The following CDH18 variants were observed in gnomAD, a reference collection of about 807,000 sequenced individuals.
The protein encoded by CDH18 is cadherin 18.
A neutral mutation model predicts 67.9 loss-of-function variants in CDH18; 31 were observed. That is an observed-to-expected ratio of 0.46 (90% CI 0.34 to 0.62). The LOEUF (loss-of-function observed/expected upper bound fraction) is 0.62, where lower values mean the gene tolerates loss of function less well. Among genes scored for constraint, CDH18 ranks in the 20% least tolerant of loss-of-function variants. CDH18 has a pLI of 0.01. For synonymous variants in CDH18, 362 were observed against 347.2 expected, an observed-to-expected ratio of 1.04 and a Z score of -0.48; for missense variants, 890 against 975.5, an observed-to-expected ratio of 0.91 and a Z score of 1.17.
At chr5:20,142,793 C>T (rs1299526863) in intron 2 of CDH18, among the ~76,000 whole-genome samples, 2 of 152,108 alleles carry the variant, frequency 1.3e-5, no homozygotes, top group African/African-American at 2.4e-5. Context: ...CTCTTTTCCC[C>T]GGCTCTCATG....
rs371731164 is a variant in CDH18, at chr5:19,957,414, G to A, written c.-257+23646C>T. 6.0e-4 allele frequency among the ~76,000 whole-genome samples: 91 copies of A among 151,478 alleles called. No individual in the cohort carries two copies. The South Asian group carries it at 0.016, about 27-fold the overall frequency. ...AGAAGGAATAATATATCAGCTCTAT[G>A]TGTTATGTATATCTGTGTGTGTATA... On this transcript the variant is annotated intron_variant, in intron 2 of 12. Transcript: ENST00000382275.
At chr5:20,413,023 C>T (rs566183476) in intron 1 of CDH18, among the ~76,000 whole-genome samples, 31 of 152,286 alleles carry the variant, frequency 2.0e-4, no homozygotes, top group Non-Finnish European at 3.8e-4. Context: ...CAAGTGTTCT[C>T]ATTGTTCAAT....
chr5:19,752,025 C>G (rs553186548), intron 3 of CDH18, among the ~76,000 whole-genome samples: 1 of 152,258 alleles, frequency 6.6e-6, no homozygotes, highest in East Asian at 1.9e-4. Context: ...GGCTGTGAAA[C>G]AGGGAAAGGG....
At chr5:19,657,059 G>A (rs1022602447) in intron 5 of CDH18, among the ~76,000 whole-genome samples, 2 of 152,046 alleles carry the variant, frequency 1.3e-5, no homozygotes, top group Non-Finnish European at 2.9e-5. Context: ...TACAGGATAT[G>A]TAACATATTA....
chr5:19,767,544 C>T (rs949723114), intron 3 of CDH18, among the ~76,000 whole-genome samples: 2 of 151,860 alleles, frequency 1.3e-5, no homozygotes, highest in African/African-American at 4.8e-5. Context: ...TAAAGTGATG[C>T]ATAACTGAAA....
chr5:20,483,729 C>A (rs377685321), intron 1 of CDH18, among the ~76,000 whole-genome samples: 30 of 150,812 alleles, frequency 2.0e-4, no homozygotes, highest in Non-Finnish European at 4.0e-4. Context: ...TATCCACATG[C>A]AGAAAAATGA....
intron 3 of CDH18, among the ~76,000 whole-genome samples, chr5:19,791,309 T>A (rs894718083): frequency 1.3e-5 from 2 of 150,256 alleles, no homozygotes; most frequent in East Asian, 3.9e-4. Flanking sequence ...AACACAGATG[T>A]GTGGGCTCCT....
At chr5:19,844,265 G>A (rs114288530) in intron 2 of CDH18, among the ~76,000 whole-genome samples, 5,401 of 152,210 alleles carry the variant, frequency 0.035, 257 homozygotes, top group African/African-American at 0.1. Context: ...AATCCGAATT[G>A]CTATCCCCAT....
chr5:19,574,808 C>A lies in CDH18; in HGVS notation c.1000-2976G>T, dbSNP rs991328418. Among the ~76,000 whole-genome samples the A allele has an allele frequency of 4.6e-5, 7 of 151,672 alleles. No individual in the cohort carries two copies. In the East Asian group the frequency reaches 1.4e-3, roughly 29 times the overall value. On this transcript the variant is annotated intron_variant, in intron 7 of 12. Coordinates refer to ENST00000382275, the MANE Select transcript of CDH18 (RefSeq NM_004934.5). ...TTGTAATCCCAGCACTTTGGGAGGC[C>A]GAGGTGGGCGGATCACGAGGTCAGG...
chr5:19,626,281 T>C (rs1483138529), intron 5 of CDH18, among the ~76,000 whole-genome samples: 1 of 152,056 alleles, frequency 6.6e-6, no homozygotes, highest in Non-Finnish European at 1.5e-5. Flanking sequence ...TTAAGCAAAA[T>C]CACAAGTGTT....
chr5:19,502,935 C>T (rs746966932), intron 11 of CDH18, 57 bp downstream of exon 11: 1 of 970,750 alleles, frequency 1.0e-6, no homozygotes, highest in African/African-American at 1.6e-5. Flanking sequence ...AAGCCTATTA[C>T]ATATAAGGTC....
intron 2 of CDH18, among the ~76,000 whole-genome samples, chr5:20,198,394 G>A (rs1374007008): frequency 2.6e-5 from 4 of 152,158 alleles, no homozygotes; most frequent in African/African-American, 9.7e-5. Flanking sequence ...TTGGGAATTG[G>A]AGGAAAGGTC....
chr5:20,244,020 A>G (rs1743186407), intron 2 of CDH18, among the ~76,000 whole-genome samples: 1 of 152,164 alleles, frequency 6.6e-6, no homozygotes, highest in African/African-American at 2.4e-5. Flanking sequence ...TCCTGAGTTA[A>G]AAATGTATGA....
At chr5:19,978,379 A>G (rs1489826827) in intron 2 of CDH18, among the ~76,000 whole-genome samples, 2 of 152,146 alleles carry the variant, frequency 1.3e-5, no homozygotes, top group Non-Finnish European at 2.9e-5. Flanking sequence ...CCAGACTGAT[A>G]GTATAATTAT....
intron 3 of CDH18, among the ~76,000 whole-genome samples, chr5:19,787,809 T>TTATATA (rs35850823): frequency 0.013 from 1,835 of 144,378 alleles, 35 homozygotes; most frequent in African/African-American, 0.043. Context: ...TAATTTACAG[T>TTATATA]TATATATATA....
intron 3 of CDH18, among the ~76,000 whole-genome samples, chr5:19,776,107 A>G (rs1440877678): frequency 6.6e-6 from 1 of 152,200 alleles, no homozygotes; most frequent in Non-Finnish European, 1.5e-5. Context: ...ATGAGGAGAA[A>G]TTTGAAAAAA....
intron 1 of CDH18, among the ~76,000 whole-genome samples, chr5:20,545,710 C>A (rs768036890): frequency 1.4e-4 from 21 of 152,328 alleles, no homozygotes; most frequent in South Asian, 4.1e-4. Flanking sequence ...ACCTCCAGGA[C>A]TGTGATGAGA....
chr5:20,332,288 C>T (rs1407665237), intron 1 of CDH18, among the ~76,000 whole-genome samples: 1 of 152,250 alleles, frequency 6.6e-6, no homozygotes, highest in Non-Finnish European at 1.5e-5. Context: ...TTATTTCCAT[C>T]TTCCACTACC....
chr5:20,032,585 C>T (rs1739497988), intron 2 of CDH18, among the ~76,000 whole-genome samples: 1 of 151,826 alleles, frequency 6.6e-6, no homozygotes, highest in Non-Finnish European at 1.5e-5. Context: ...ATTGAATGTG[C>T]CAGGCTTAGT....
Sources: allele counts gnomAD v4.1 joint callset (sites outside exome capture counted in the v4.1 genomes callset), GRCh38; gene constraint gnomAD v4.1.1; transcripts MANE v1.5; gene names NCBI Gene and HGNC (gene_info 2026-07-23, HGNC 2026-07-21).